NR3C2: variants seen among roughly 807,000 people sequenced by gnomAD.
NR3C2 encodes the protein nuclear receptor subfamily 3 group C member 2, also known as mineralocorticoid receptor.
In NR3C2, 15 loss-of-function variants were observed where a neutral mutation model predicts 86.4. The observed-to-expected ratio is 0.17, with a 90% CI of 0.12 to 0.27. NR3C2 has a LOEUF of 0.27. Ranked by LOEUF, NR3C2 falls within the 10% of genes least tolerant of loss-of-function variation. NR3C2 has a pLI of 1.00. For missense variants in NR3C2, 960 were observed against 1,195.6 expected, an observed-to-expected ratio of 0.80 and a Z score of 2.91; for synonymous variants, 458 against 450.5, an observed-to-expected ratio of 1.02 and a Z score of -0.21.
At chr4:148,342,851 T>A (rs1744814752) in intron 2 of NR3C2, among the ~76,000 whole-genome samples, 1 of 152,164 alleles carries the variant, frequency 6.6e-6, no homozygotes, top group Non-Finnish European at 1.5e-5. Context: ...TAGAAATTGC[T>A]TTAGCTATAA....
rs201721477 is a variant in NR3C2 at position 148,131,825 on chromosome 4, GT to G, written c.2511-11538del. 7.6e-3 allele frequency among the ~76,000 whole-genome samples: 1,151 copies of G among 152,272 alleles called. 7 individuals are homozygous for G. Among genetic ancestry groups the G allele is most frequent in the Middle Eastern group, 0.037 (11 of 294 alleles). ...TCAGTATTTTATCACCTTAGTTGATGTTCCAGAAGAGATATGTTTTCATACA... is the reference window on the plus strand; with the variant it reads ...TCAGTATTTTATCACCTTAGTTGATGTCCAGAAGAGATATGTTTTCATACA... On this transcript the variant is annotated intron_variant, in intron 6 of 8. Transcript: ENST00000358102.
intron 2 of NR3C2, among the ~76,000 whole-genome samples, chr4:148,335,465 A>C (rs920715686): frequency 1.3e-5 from 2 of 152,282 alleles, no homozygotes; most frequent in Non-Finnish European, 2.9e-5. Flanking sequence ...AAACTACAGG[A>C]GTGATCGCCT....
chr4:148,135,809 C>A (rs1578923274), intron 6 of NR3C2, among the ~76,000 whole-genome samples: 1 of 152,036 alleles, frequency 6.6e-6, no homozygotes, highest in South Asian at 2.1e-4. Context: ...GTAATCCCAG[C>A]ACTTTGGGAG....
At chr4:148,081,664 AGG>A (rs1730566748) in intron 8 of NR3C2, among the ~76,000 whole-genome samples, 165 bp from the exon 9 acceptor site, 1 of 152,194 alleles carries the variant, frequency 6.6e-6, no homozygotes, top group Non-Finnish European at 1.5e-5. Context: ...GAGAGGAAGA[AGG>A]GTGCTCACAT....
Position 148,152,623 on chromosome 4 carries a change from A to G in NR3C2, c.2366-10T>C, listed in dbSNP as rs1734154077. 3.7e-6 allele frequency: 6 copies of G among 1,613,518 alleles called. No homozygotes were observed. The highest frequency in any genetic ancestry group is 4.5e-5 in the East Asian group (2 of 44,842). ...GGCAAGTTTTTAAATCCTGAAGAAC[A>G]AAACAATTAATCACAGAAATACACT... On this transcript the variant is annotated splice_polypyrimidine_tract_variant and intron_variant, in intron 5 of 8. Coordinates refer to ENST00000358102, the MANE Select transcript of NR3C2 (RefSeq NM_000901.5).
chr4:148,442,236 G>A lies in NR3C2; in HGVS notation c.-79C>T, dbSNP rs1750381597. On this transcript the variant is annotated 5_prime_UTR_variant, in exon 1 of 9. Coordinates refer to ENST00000358102, the MANE Select transcript of NR3C2 (RefSeq NM_000901.5). Reference sequence around the variant, plus strand: ...ACCGCCACGAAACCCCTGCTGCGGAGCCCCCCTAAATCCAACCACATCCAG... The same window carrying A: ...ACCGCCACGAAACCCCTGCTGCGGAACCCCCCTAAATCCAACCACATCCAG... The A allele has an allele frequency of 2.0e-5, 3 of 153,134 alleles. No individual in the cohort carries two copies. Among genetic ancestry groups the A allele is most frequent in the Non-Finnish European group, 4.4e-5 (3 of 68,736 alleles). The allele number at this position is 153,134 out of a possible 1,614,324, so 9.5% of individuals were successfully genotyped here.
At chr4:148,313,311 T>A (rs1742997083) in intron 2 of NR3C2, among the ~76,000 whole-genome samples, 1 of 152,170 alleles carries the variant, frequency 6.6e-6, no homozygotes, top group African/African-American at 2.4e-5. Flanking sequence ...TCCATTGCAC[T>A]CAGTACAAGT....
At chr4:148,244,908 C>T (rs1272093988) in intron 3 of NR3C2, among the ~76,000 whole-genome samples, 1 of 152,112 alleles carries the variant, frequency 6.6e-6, no homozygotes, top group African/African-American at 2.4e-5. Flanking sequence ...TAATGTCATC[C>T]ATCACCCTAT....
intron 2 of NR3C2, among the ~76,000 whole-genome samples, chr4:148,358,898 G>C (rs950081343): frequency 1.3e-5 from 2 of 151,852 alleles, no homozygotes; most frequent in African/African-American, 4.8e-5. Context: ...TTTGATCTTA[G>C]AAAAAGAAAA....
chr4:148,084,636 A>G (rs1468071161), intron 8 of NR3C2, among the ~76,000 whole-genome samples: 1 of 152,244 alleles, frequency 6.6e-6, no homozygotes, highest in Non-Finnish European at 1.5e-5. Context: ...AGCTAGCATC[A>G]TAATGACAGG....
At chr4:148,171,210 C>T (rs950876697) in intron 4 of NR3C2, among the ~76,000 whole-genome samples, 1 of 152,196 alleles carries the variant, frequency 6.6e-6, no homozygotes, top group African/African-American at 2.4e-5. Context: ...AAGGTCCACA[C>T]CCCTAGGTTT....
chr4:148,256,368 C>G (rs1739831590), intron 3 of NR3C2, among the ~76,000 whole-genome samples: 1 of 152,274 alleles, frequency 6.6e-6, no homozygotes, highest in East Asian at 1.9e-4. Flanking sequence ...TCATTTACAT[C>G]ATCTCTCTAC....
At chr4:148,272,151 T>G (rs955980387) in intron 2 of NR3C2, among the ~76,000 whole-genome samples, 1 of 152,162 alleles carries the variant, frequency 6.6e-6, no homozygotes, top group Non-Finnish European at 1.5e-5. Context: ...CATATTCTAG[T>G]ATGAGGGAAT....
At chr4:148,346,993 C>T (rs1340683080) in intron 2 of NR3C2, among the ~76,000 whole-genome samples, 3 of 152,044 alleles carry the variant, frequency 2.0e-5, no homozygotes, top group East Asian at 1.9e-4. Flanking sequence ...TGGAATAAGC[C>T]GATAAAGCCA....
intron 3 of NR3C2, among the ~76,000 whole-genome samples, chr4:148,237,394 A>C (rs1738798359): frequency 6.6e-6 from 1 of 152,200 alleles, no homozygotes; most frequent in Non-Finnish European, 1.5e-5. Flanking sequence ...CCTAGAATTT[A>C]AATAACACTT....
intron 2 of NR3C2, among the ~76,000 whole-genome samples, chr4:148,279,123 A>G (rs558769019): frequency 3.5e-4 from 53 of 152,280 alleles, no homozygotes; most frequent in African/African-American, 1.2e-3. Context: ...AGATTTCACC[A>G]TTGCACTCCA....
intron 7 of NR3C2, among the ~76,000 whole-genome samples, chr4:148,116,944 T>C: frequency 6.6e-6 from 1 of 152,222 alleles, no homozygotes; most frequent in African/African-American, 2.4e-5. Flanking sequence ...TGTCATAATT[T>C]TAAACATATT....
chr4:148,338,827 A>T (rs1432110175), intron 2 of NR3C2, among the ~76,000 whole-genome samples: 2 of 152,232 alleles, frequency 1.3e-5, no homozygotes, highest in African/African-American at 4.8e-5. Context: ...AATTTAATTA[A>T]CAATAAAAGC....
chr4:148,120,107 G>A (rs1732446958), intron 7 of NR3C2, 51 bp downstream of exon 7: 1 of 1,611,624 alleles, frequency 6.2e-7, no homozygotes, highest in African/African-American at 1.3e-5. Context: ...TGCCCTATGG[G>A]GAAGATGATC....
Sources: allele counts gnomAD v4.1 joint callset (sites outside exome capture counted in the v4.1 genomes callset), GRCh38; gene constraint gnomAD v4.1.1; transcripts MANE v1.5; gene names NCBI Gene and HGNC (gene_info 2026-07-23, HGNC 2026-07-21).